Variants in MAP4K5 observed in about 807,000 individuals in gnomAD.
The protein encoded by MAP4K5 is mitogen-activated protein kinase kinase kinase kinase 5.
Under a neutral mutation model 135.6 loss-of-function variants are expected in MAP4K5, and 82 were observed. The ratio of observed to expected loss-of-function variants is 0.60; its 90% CI spans 0.51 to 0.73. The LOEUF (loss-of-function observed/expected upper bound fraction) is 0.73, where lower values mean the gene tolerates loss of function less well. Ranked by LOEUF, MAP4K5 falls within the 30% of genes least tolerant of loss-of-function variation. The probability of loss-of-function intolerance (pLI) is 0.00; values close to 1 mark genes in which losing one functional copy is unlikely to be tolerated. For synonymous variants in MAP4K5, 347 were observed against 335.0 expected (o/e 1.04, Z -0.39); for missense variants, 907 against 1,010.9 (o/e 0.90, Z 1.39).
At chr14:50,551,469 C>T (rs2038701889) in intron 1 of MAP4K5, among the ~76,000 whole-genome samples, 2 of 152,050 alleles carry the variant, frequency 1.3e-5, no homozygotes, top group Non-Finnish European at 2.9e-5. Flanking sequence ...GGTACCAATT[C>T]TACTGAAACT....
intron 1 of MAP4K5, among the ~76,000 whole-genome samples, chr14:50,548,409 G>A (rs1835598055): frequency 6.6e-6 from 1 of 152,172 alleles, no homozygotes; most frequent in Admixed American, 6.5e-5. Context: ...ACTGCCACAG[G>A]ATCCTTTTGT....
At chr14:50,484,435 T>C (rs1476624113) in intron 5 of MAP4K5, among the ~76,000 whole-genome samples, 1 of 152,198 alleles carries the variant, frequency 6.6e-6, no homozygotes, top group Non-Finnish European at 1.5e-5. Flanking sequence ...AGCTTTGCTT[T>C]CCCTCTCCTC....
At chr14:50,447,881 T>G (rs75994987) in intron 15 of MAP4K5, among the ~76,000 whole-genome samples, 1,079 of 95,122 alleles carry the variant, frequency 0.011, 14 homozygotes, top group African/African-American at 0.035. Flanking sequence ...GCATGGAAAC[T>G]GGGGTTTTAT....
chr14:50,463,370 T>C (rs1323720410), intron 12 of MAP4K5, among the ~76,000 whole-genome samples: 1 of 152,222 alleles, frequency 6.6e-6, no homozygotes, highest in Non-Finnish European at 1.5e-5. Context: ...AGCAACATTT[T>C]AAAGTTTTCT....
intron 14 of MAP4K5, 186 bp from the exon 15 acceptor site, chr14:50,449,018 T>C (rs1012129959): frequency 3.8e-6 from 2 of 532,832 alleles, no homozygotes; most frequent in Non-Finnish European, 6.5e-6. Context: ...AATAACAAAG[T>C]GGGATCTTCC....
chr14:50,500,715 G>C (rs1000706723), intron 3 of MAP4K5, among the ~76,000 whole-genome samples: 1 of 152,130 alleles, frequency 6.6e-6, no homozygotes, highest in Non-Finnish European at 1.5e-5. Flanking sequence ...GGTGGAGATG[G>C]GTAACAAAGA....
chr14:50,470,191 G>A (rs2036926073), intron 9 of MAP4K5, among the ~76,000 whole-genome samples: 1 of 152,170 alleles, frequency 6.6e-6, no homozygotes, highest in African/African-American at 2.4e-5. Context: ...AGTTGACTAT[G>A]ACTGTTGCAC....
At chr14:50,423,083 C>G (rs1321822139) in intron 32 of MAP4K5, 38 bp downstream of exon 32, 1 of 1,030,530 alleles carries the variant, frequency 9.7e-7, no homozygotes, top group Non-Finnish European at 1.5e-6. Flanking sequence ...GATCTTTGAA[C>G]TCCTTTGGTA....
chr14:50,467,452 C>T (rs964318166), intron 10 of MAP4K5, among the ~76,000 whole-genome samples: 1 of 151,950 alleles, frequency 6.6e-6, no homozygotes, highest in East Asian at 1.9e-4. Context: ...TATCTAAATG[C>T]TTACCAATTA....
chr14:50,471,812 A>AT (rs1272732178), intron 9 of MAP4K5: 2 of 152,232 alleles, frequency 1.3e-5, no homozygotes, highest in East Asian at 3.8e-4. Context: ...AATACTAGAC[A>AT]GAAACCCTAT....
intron 13 of MAP4K5, among the ~76,000 whole-genome samples, chr14:50,458,331 T>C (rs1009163096): frequency 2.0e-5 from 3 of 152,262 alleles, no homozygotes; most frequent in South Asian, 2.1e-4. Flanking sequence ...TGGACAGTAT[T>C]CATGAGCATT....
At chr14:50,516,094 C>A (rs1281686256) in intron 2 of MAP4K5, among the ~76,000 whole-genome samples, 1 of 152,210 alleles carries the variant, frequency 6.6e-6, no homozygotes, top group Non-Finnish European at 1.5e-5. Context: ...TCAGCAAATC[C>A]TGACAGCTTA....
chr14:50,456,556 G>A lies in MAP4K5; in HGVS notation c.975C>T (p.Asn325=). 6.3e-7 allele frequency: 1 copy of A among 1,580,290 alleles called. No homozygotes were observed. Among genetic ancestry groups the A allele is most frequent in the Non-Finnish European group, 8.6e-7 (1 of 1,161,750 alleles). Residue 325 remains asparagine (N), a synonymous_variant, in exon 14 of 33, where the codon AAC becomes AAT. Coordinates refer to ENST00000682126, the MANE Select transcript of MAP4K5 (RefSeq NM_006575.6). ...CTGTCCGTTCAGCTCTGGCATTCCT[G>A]TTTGTAGATCTAATGGTATGACGAA... ...AIIRHTIRST[N]RNARAERTAS...
intron 3 of MAP4K5, among the ~76,000 whole-genome samples, chr14:50,488,010 C>CAT (rs757428789): frequency 9.9e-5 from 15 of 151,994 alleles, no homozygotes; most frequent in South Asian, 4.2e-4. Context: ...TATATTAACA[C>CAT]ATATATATAT....
At chr14:50,478,858 G>C (rs187913665) in intron 6 of MAP4K5, among the ~76,000 whole-genome samples, 73 of 152,116 alleles carry the variant, frequency 4.8e-4, no homozygotes, top group African/African-American at 1.6e-3. Context: ...GTACTTTAAA[G>C]ATTTTCCACT....
rs186037678 is a variant in MAP4K5 at position 50,508,359 on chromosome 14, C to T, written c.109-3502G>A. 9.2e-5 allele frequency among the ~76,000 whole-genome samples: 14 copies of T among 152,240 alleles called. No individual in the cohort carries two copies. In the East Asian group the frequency reaches 2.1e-3, roughly 23 times the overall value. ...TAGACTGGACTAAGAAAATGTGGCA[C>T]TTACACACAATGGAATACCATGCAG... is the stretch of plus-strand genomic sequence containing the variant. On this transcript the variant is annotated intron_variant, in intron 2 of 32. Coordinates refer to ENST00000682126, the MANE Select transcript of MAP4K5 (RefSeq NM_006575.6).
Position 50,490,276 on chromosome 14 carries a change from T to C in MAP4K5, c.167-4082A>G, listed in dbSNP as rs140763376. Among the ~76,000 whole-genome samples the C allele has an allele frequency of 4.1e-3, 624 of 152,188 alleles. 1 individual carries two copies. Among genetic ancestry groups the C allele is most frequent in the Middle Eastern group, 6.8e-3 (2 of 292 alleles). ...GTTCTGTATCTGAGACAGTAGACAC[T>C]GGAACTAGTCCTAATTAAAATGATA... is the stretch of plus-strand genomic sequence containing the variant. On this transcript the variant is annotated intron_variant, in intron 3 of 32. Transcript: ENST00000682126.
At chr14:50,460,357 G>C (rs1481613533) in intron 13 of MAP4K5, among the ~76,000 whole-genome samples, 1 of 151,996 alleles carries the variant, frequency 6.6e-6, no homozygotes, top group East Asian at 1.9e-4. Flanking sequence ...TGCATTTCGA[G>C]AACTGAAAAG....
chr14:50,442,920 G>A (rs1211785172), intron 20 of MAP4K5, 104 bp from the exon 21 acceptor site: 14 of 644,556 alleles, frequency 2.2e-5, no homozygotes, highest in East Asian at 1.8e-4. Context: ...TCTTATTTGC[G>A]TATGCTTGTT....
Sources: allele counts gnomAD v4.1 joint callset (sites outside exome capture counted in the v4.1 genomes callset), GRCh38; gene constraint gnomAD v4.1.1; transcripts MANE v1.5; gene names NCBI Gene and HGNC (gene_info 2026-07-23, HGNC 2026-07-21).